KCNC4: variants seen among roughly 807,000 people sequenced by gnomAD.
KCNC4 encodes voltage-gated potassium channel KCNC4.
Under a neutral mutation model 42.8 loss-of-function variants are expected in KCNC4, and 23 were observed. That is an observed-to-expected ratio of 0.54 (90% confidence interval 0.39 to 0.76). The LOEUF is 0.76. Among genes scored for constraint, KCNC4 ranks in the 30% least tolerant of loss-of-function variants. The probability of loss-of-function intolerance (pLI) is 0.00; values close to 1 mark genes in which losing one functional copy is unlikely to be tolerated. For synonymous variants in KCNC4, 422 were observed against 393.5 expected (o/e 1.07, Z -0.86); for missense variants, 751 against 898.2 (o/e 0.84, Z 2.10).
chr1:110,226,150 T>C lies in KCNC4; in HGVS notation c.1791T>C (p.Tyr597=), dbSNP rs1658380464. The C allele has an allele frequency of 6.2e-7, 1 of 1,614,108 alleles. No individual in the cohort carries two copies. The highest frequency in any genetic ancestry group is 8.5e-7 in the Non-Finnish European group (1 of 1,179,994). The change falls in exon 3 of 4, where the codon TAT becomes TAC. Residue 597 remains tyrosine, a synonymous_variant. Coordinates refer to ENST00000438661, the MANE Select transcript of KCNC4 (RefSeq NM_001039574.3). ...AACFLLSTGD[Y]ACADGSVRKE... is the part of the protein sequence containing the mutation. Reference sequence around the variant, plus strand: ...GCTTCCTGCTCAGCACTGGGGACTATGCCTGCGCCGATGGTAGTGTCCGGA... The same window carrying C: ...GCTTCCTGCTCAGCACTGGGGACTACGCCTGCGCCGATGGTAGTGTCCGGA...
intron 3 of KCNC4, among the ~76,000 whole-genome samples, chr1:110,227,276 A>G (rs749324009): frequency 3.0e-4 from 45 of 152,224 alleles, no homozygotes; most frequent in Admixed American, 1.9e-3. Flanking sequence ...AGATGTCCCA[A>G]TGTCCCGTGG....
chr1:110,220,474 C>T (rs1658037127), intron 1 of KCNC4: 1 of 143,476 alleles, frequency 7.0e-6, no homozygotes, highest in Admixed American at 6.8e-5. Context: ...TGCCGCCCTC[C>T]CTCCCTCCCT....
At chr1:110,222,841 T>G in intron 1 of KCNC4, 123 bp from the exon 2 acceptor site, 1 of 690,688 alleles carries the variant, frequency 1.4e-6, no homozygotes. Flanking sequence ...ACTCCATACG[T>G]TAATCCCACC....
At chr1:110,232,399 C>A in intron 3 of KCNC4, 1 of 1,532,742 alleles carries the variant, frequency 6.5e-7, no homozygotes, top group South Asian at 1.2e-5. Flanking sequence ...GTGGTGACAG[C>A]AGATGGAGCT....
At chr1:110,246,106 G>A (rs531378483) in exon 4 of KCNC4, 1 of 152,330 alleles carries the variant, frequency 6.6e-6, no homozygotes, top group Admixed American at 6.5e-5. Flanking sequence ...CAGTGGCTAA[G>A]CTAATGCCAA....
chr1:110,249,782 T>C (rs2101065697), downstream of KCNC4, among the ~76,000 whole-genome samples: 1 of 152,322 alleles, frequency 6.6e-6, no homozygotes, highest in African/African-American at 2.4e-5. Flanking sequence ...TTTAACCATT[T>C]TTTTCAGTGA....
rs566360632 is a variant in KCNC4, at chr1:110,223,806, C to T, written c.1521C>T (p.Tyr507=). ...CGGCGCAGCTGGAGTCACCCATGTA[C>T]TGCAAGTCTGAGGAGACTTCCCCCC... ...PRPAQLESPM[Y]CKSEETSPRD... Residue 507 remains tyrosine (Y), a synonymous_variant, in exon 2 of 4, where the codon TAC becomes TAT. Coordinates refer to ENST00000438661, the MANE Select transcript of KCNC4 (RefSeq NM_001039574.3). The surrounding 1 kb of genome is among the most constrained non-coding windows in gnomAD (Gnocchi z 7.5). 5.0e-6 allele frequency: 8 copies of T among 1,614,020 alleles called. No homozygotes were observed. In the South Asian group the frequency reaches 7.7e-5, roughly 16 times the overall value.
At chr1:110,227,164 C>G (rs531265567) in intron 3 of KCNC4, among the ~76,000 whole-genome samples, 1 of 152,206 alleles carries the variant, frequency 6.6e-6, no homozygotes, top group Non-Finnish European at 1.5e-5. Flanking sequence ...ATTTCCCATC[C>G]CCCACTTCCC....
rs1658787506 is a variant in KCNC4, at chr1:110,233,161, G to C, written c.*189G>C. ...TCTGGGTCTGATGTTCTGTTCCATT[G>C]TACATCGAAGAGATATATATGCACA... is the stretch of plus-strand genomic sequence containing the variant. On this transcript the variant is annotated 3_prime_UTR_variant, in exon 4 of 4. Transcript: ENST00000438661. The C allele has an allele frequency of 1.6e-6, 1 of 640,160 alleles. No individual in the cohort carries two copies. The highest frequency in any genetic ancestry group is 2.7e-6 in the Non-Finnish European group (1 of 368,204). 39.7% of individuals were successfully genotyped at this position (640,160 alleles called of 1,614,324 possible). A position where few individuals can be genotyped will look rare whatever the true frequency, so the allele number is the denominator to read the frequency against.
chr1:110,272,501 G>A (rs1266288021), intron 1 of KCNC4: 1 of 152,186 alleles, frequency 6.6e-6, no homozygotes, highest in Non-Finnish European at 1.5e-5. Flanking sequence ...TTCAAAGAGG[G>A]CTTGGATGGC....
chr1:110,212,172 G>A lies in KCNC4; in HGVS notation c.673G>A (p.Ala225Thr). 4.0e-6 allele frequency: 6 copies of A among 1,492,356 alleles called. No individual in the cohort carries two copies. Among genetic ancestry groups the A allele is most frequent in the African/African-American group, 1.5e-5 (1 of 68,162 alleles). The allele number at this position is 1,492,356 out of a possible 1,614,324, so 92.4% of individuals were successfully genotyped here. ...CGAGGATCCCTACTCCTCCCGGGCC[G>A]CTAGGGTGAGTGGCAGGAGCCCGTG... ...LFEDPYSSRA[A>T]RVVAFASLFF... Residue 225 changes from alanine (A) to threonine (T), a missense_variant, in exon 1 of 4, where the codon GCT becomes ACT. Ala to Thr is a moderately conservative substitution (Grantham distance 58). Transcript: ENST00000438661.
At chr1:110,244,974 A>G (rs928867296) in exon 4 of KCNC4, 2 of 152,208 alleles carry the variant, frequency 1.3e-5, no homozygotes, top group South Asian at 2.1e-4. Context: ...TAGCTCAATA[A>G]CTTGACATTC....
chr1:110,218,479 C>T (rs577492415), intron 1 of KCNC4, among the ~76,000 whole-genome samples: 14 of 152,238 alleles, frequency 9.2e-5, no homozygotes, highest in African/African-American at 1.7e-4. Context: ...TCCTCCCACC[C>T]GTTATCTCCT....
intron 3 of KCNC4, 126 bp from the exon 4 acceptor site, chr1:110,232,785 T>A: frequency 6.5e-7 from 1 of 1,541,250 alleles, no homozygotes; most frequent in Non-Finnish European, 8.7e-7. Context: ...GCTGGCTTCC[T>A]TCTAACGTCT....
chr1:110,225,937 G>A (rs372999323), intron 2 of KCNC4, 38 bp from the exon 3 acceptor site: 90 of 1,532,620 alleles, frequency 5.9e-5, no homozygotes, highest in Non-Finnish European at 7.2e-5. Context: ...GGCTCAGGTC[G>A]CCCCTCATGC....
intron 1 of KCNC4, among the ~76,000 whole-genome samples, chr1:110,276,299 CAAAAAAAAAA>C (rs3062031): frequency 9.1e-5 from 9 of 98,896 alleles, no homozygotes; most frequent in African/African-American, 2.6e-4. Flanking sequence ...TCAATTTATA[CAAAAAAAAAA>C]AAAAAAAAAA....
chr1:110,212,597 G>A (rs908388531), intron 1 of KCNC4, among the ~76,000 whole-genome samples: 2 of 152,148 alleles, frequency 1.3e-5, no homozygotes, highest in Non-Finnish European at 2.9e-5. Context: ...TGAGAGGAAG[G>A]AAACTAGGGT....
At chr1:110,248,207 A>G in exon 4 of KCNC4, 1 of 152,378 alleles carries the variant, frequency 6.6e-6, no homozygotes, top group South Asian at 2.1e-4. Context: ...CTAGTGCCTC[A>G]TGTCAAAATG....
At chr1:110,282,689 C>T (rs780339555) in intron 2 of KCNC4, 56 of 152,224 alleles carry the variant, frequency 3.7e-4, no homozygotes, top group Non-Finnish European at 6.9e-4. Context: ...GTAGAAGCAC[C>T]TTCTTCGAAG....
Sources: allele counts gnomAD v4.1 joint callset (sites outside exome capture counted in the v4.1 genomes callset), GRCh38; gene constraint gnomAD v4.1.1; non-coding constraint Gnocchi (gnomAD v3.1); transcripts MANE v1.5; gene names NCBI Gene and HGNC (gene_info 2026-07-23, HGNC 2026-07-21).